The following ANKS1B variants were observed in gnomAD, a reference collection of about 807,000 sequenced individuals.
The protein encoded by ANKS1B is ankyrin repeat and sterile alpha motif domain containing 1B.
Under a neutral mutation model 148.3 loss-of-function variants are expected in ANKS1B, and 36 were observed. The ratio of observed to expected loss-of-function variants is 0.24; its 90% CI spans 0.19 to 0.32. ANKS1B has a LOEUF of 0.32. Ranked by LOEUF, ANKS1B falls within the 10% of genes least tolerant of loss-of-function variation. The pLI, the probability that ANKS1B is intolerant of heterozygous loss-of-function variation, is 1.00. For missense variants in ANKS1B, 1,157 were observed against 1,542.6 expected (o/e 0.75, Z 4.19); for synonymous variants, 542 against 560.8 (o/e 0.97, Z 0.47).
chr12:98,987,818 G>C (rs2099924346), intron 17 of ANKS1B, among the ~76,000 whole-genome samples: 1 of 152,132 alleles, frequency 6.6e-6, no homozygotes, highest in Non-Finnish European at 1.5e-5. Flanking sequence ...CAAAGGGTGA[G>C]CCTGAATTAA....
Position 98,800,973 on chromosome 12 carries a change from A to T in ANKS1B, c.3270+24T>A, listed in dbSNP as rs749503092. 5.6e-6 allele frequency: 9 copies of T among 1,607,794 alleles called. No homozygotes were observed. The African/African-American group carries it at 1.1e-4, about 19-fold the overall frequency. On this transcript the variant is annotated intron_variant, in intron 21 of 26. Transcript: ENST00000683438. ...TACCCCCTATCTCCACTTAGGCCCAAATACTGAATTGAGGGTAACTTACAA... is the reference window on the plus strand; with the variant it reads ...TACCCCCTATCTCCACTTAGGCCCATATACTGAATTGAGGGTAACTTACAA...
At chr12:99,399,961 C>T (rs1241635450) in intron 11 of ANKS1B, 150 bp from the exon 12 acceptor site, 32 of 657,750 alleles carry the variant, frequency 4.9e-5, no homozygotes, top group Middle Eastern at 4.2e-4. Context: ...TACAGAGATA[C>T]ATTAATTTCT....
At position 99,780,656 on chromosome 12, in the gene ANKS1B, A is replaced by T. The variant is rs143750361; in HGVS notation, c.746-684T>A. 7.4e-3 allele frequency among the ~76,000 whole-genome samples: 1,128 copies of T among 152,318 alleles called. 27 individuals are homozygous for T. Among genetic ancestry groups the T allele is most frequent in the Admixed American group, 0.053 (818 of 15,300 alleles). ...TCACACTGAAAAATATTATTGATTT[A>T]GAATGTGAATTCCTAAAGTATAATG... On this transcript the variant is annotated intron_variant, in intron 5 of 26. Transcript: ENST00000683438.
intron 12 of ANKS1B, among the ~76,000 whole-genome samples, chr12:99,270,483 C>G (rs538765943): frequency 6.6e-6 from 1 of 152,284 alleles, no homozygotes; most frequent in East Asian, 1.9e-4. Flanking sequence ...TATTTTCTGT[C>G]CCTCCCACTA....
intron 8 of ANKS1B, among the ~76,000 whole-genome samples, chr12:99,763,515 G>A (rs1017247310): frequency 9.2e-5 from 14 of 152,054 alleles, no homozygotes; most frequent in African/African-American, 2.7e-4. Context: ...GGTGTAGCAC[G>A]GGAGGAGAGT....
intron 17 of ANKS1B, among the ~76,000 whole-genome samples, chr12:98,955,050 T>C (rs1045111801): frequency 1.3e-5 from 2 of 152,152 alleles, no homozygotes; most frequent in Non-Finnish European, 2.9e-5. Flanking sequence ...AGTGCTATTA[T>C]ATATGCTGGG....
At chr12:99,839,607 TTACA>T (rs1380360867) in intron 1 of ANKS1B, among the ~76,000 whole-genome samples, 15 of 152,304 alleles carry the variant, frequency 9.8e-5, no homozygotes, top group African/African-American at 3.6e-4. Context: ...TTTAACATAC[TTACA>T]TAGTGAATAC....
At chr12:99,964,113 A>G (rs998697166) in intron 1 of ANKS1B, among the ~76,000 whole-genome samples, 1 of 152,172 alleles carries the variant, frequency 6.6e-6, no homozygotes, top group African/African-American at 2.4e-5. Flanking sequence ...ACATGTCCAC[A>G]ACACTATACA....
At chr12:98,960,987 T>A (rs1300972275) in intron 17 of ANKS1B, among the ~76,000 whole-genome samples, 1 of 151,870 alleles carries the variant, frequency 6.6e-6, no homozygotes, top group Non-Finnish European at 1.5e-5. Flanking sequence ...AAAGAATGAA[T>A]AAGAATGAAG....
chr12:99,834,502 A>T (rs2084517743), intron 1 of ANKS1B, among the ~76,000 whole-genome samples: 1 of 152,228 alleles, frequency 6.6e-6, no homozygotes, highest in Non-Finnish European at 1.5e-5. Context: ...GTAACAAATC[A>T]GATTAGTAGA....
intron 12 of ANKS1B, among the ~76,000 whole-genome samples, chr12:99,326,721 T>TA (rs1436293481): frequency 6.6e-6 from 1 of 151,580 alleles, no homozygotes; most frequent in African/African-American, 2.4e-5. Context: ...ATTTTTTTTT[T>TA]ACAAACTTTT....
intron 15 of ANKS1B, among the ~76,000 whole-genome samples, chr12:99,091,829 T>A (rs978086672): frequency 6.6e-6 from 1 of 152,158 alleles, no homozygotes; most frequent in Non-Finnish European, 1.5e-5. Context: ...CTTGTTCCCA[T>A]AGCTGATAGG....
At chr12:98,958,424 A>AC (rs929025006) in intron 17 of ANKS1B, among the ~76,000 whole-genome samples, 2 of 152,162 alleles carry the variant, frequency 1.3e-5, no homozygotes, top group Non-Finnish European at 2.9e-5. Flanking sequence ...GCAGTCAACA[A>AC]CCCAGTTATC....
At chr12:98,878,857 C>T (rs2099699009) in intron 17 of ANKS1B, among the ~76,000 whole-genome samples, 1 of 152,184 alleles carries the variant, frequency 6.6e-6, no homozygotes, top group African/African-American at 2.4e-5. Context: ...GCTTTCACCC[C>T]TTGCATACAA....
chr12:98,849,875 T>A (rs747511059), intron 17 of ANKS1B, among the ~76,000 whole-genome samples: 21 of 152,212 alleles, frequency 1.4e-4, no homozygotes, highest in Non-Finnish European at 2.5e-4. Context: ...TTTCAACTTA[T>A]CCCTTGGAAT....
chr12:99,498,065 C>T (rs2096620889), intron 10 of ANKS1B, among the ~76,000 whole-genome samples: 1 of 152,160 alleles, frequency 6.6e-6, no homozygotes, highest in Non-Finnish European at 1.5e-5. Flanking sequence ...GAGCTTTACT[C>T]CTACATGCTT....
intron 8 of ANKS1B, among the ~76,000 whole-genome samples, chr12:99,674,884 T>C (rs956479470): frequency 6.6e-6 from 1 of 151,696 alleles, no homozygotes; most frequent in Non-Finnish European, 1.5e-5. Flanking sequence ...AATAATAATA[T>C]CCTTAATATG....
chr12:99,463,419 G>T (rs913081543), intron 10 of ANKS1B, among the ~76,000 whole-genome samples: 3 of 152,190 alleles, frequency 2.0e-5, no homozygotes, highest in African/African-American at 7.2e-5. Flanking sequence ...ATCTCACTAG[G>T]GAGTGCCAGA....
chr12:98,866,460 C>T (rs1249862011), intron 17 of ANKS1B, among the ~76,000 whole-genome samples: 1 of 152,216 alleles, frequency 6.6e-6, no homozygotes, highest in Non-Finnish European at 1.5e-5. Context: ...TCTTCCATGG[C>T]TCCCCACTGC....
Sources: allele counts gnomAD v4.1 joint callset (sites outside exome capture counted in the v4.1 genomes callset), GRCh38; gene constraint gnomAD v4.1.1; transcripts MANE v1.5; gene names NCBI Gene and HGNC (gene_info 2026-07-23, HGNC 2026-07-21).